The following DRD3 variants were observed in gnomAD, a reference collection of about 807,000 sequenced individuals.
DRD3 encodes the protein D(3) dopamine receptor.
DRD3 carries 19 observed loss-of-function variants against 36.3 expected under a neutral mutation model. The observed-to-expected ratio is 0.52, with a 90% CI of 0.36 to 0.77. The LOEUF (loss-of-function observed/expected upper bound fraction) is 0.77, where lower values mean the gene tolerates loss of function less well. Among genes scored for constraint, DRD3 ranks in the 30% least tolerant of loss-of-function variants. The pLI is 0.00. For missense variants in DRD3, 465 were observed against 505.3 expected (o/e 0.92, Z 0.77); for synonymous variants, 195 against 203.7 (o/e 0.96, Z 0.36).
rs186009651 is a variant in DRD3, at chr3:114,188,341, G to A, written c.-155-9565C>T. Among the ~76,000 whole-genome samples, 158 of 151,440 alleles carry A rather than the reference G, an allele frequency of 1.0e-3. 1 individual carries two copies. The highest frequency in any genetic ancestry group is 3.5e-3 in the Middle Eastern group (1 of 288). ...ATTCTTGTGCCTCAGCCCCTCAAGT[G>A]GCTGGGACTACGGGCGTGTGCCACA... On this transcript the variant is annotated intron_variant, in intron 1 of 7. Coordinates refer to the DRD3 transcript ENST00000460779.
chr3:114,185,717 C>A (rs2077971724), intron 1 of DRD3, among the ~76,000 whole-genome samples: 1 of 152,036 alleles, frequency 6.6e-6, no homozygotes, highest in South Asian at 2.1e-4. Flanking sequence ...GGTCTGTCAC[C>A]CAGGCTAGTG....
At chr3:114,164,615 G>C (rs528784484) in intron 2 of DRD3, among the ~76,000 whole-genome samples, 17 of 152,232 alleles carry the variant, frequency 1.1e-4, no homozygotes, top group African/African-American at 3.9e-4. Context: ...GGGAAACACT[G>C]GTCTGGGGTT....
chr3:114,197,277 ATTTTT>A (rs58452737), intron 1 of DRD3, among the ~76,000 whole-genome samples: 2 of 89,368 alleles, frequency 2.2e-5, no homozygotes, highest in South Asian at 3.5e-4. Flanking sequence ...AATTAAAAAA[ATTTTT>A]TTTTTTTTTT....
intron 4 of DRD3, among the ~76,000 whole-genome samples, chr3:114,145,770 A>G (rs1005277834): frequency 1.5e-4 from 23 of 152,218 alleles, no homozygotes; most frequent in Non-Finnish European, 2.9e-5. Context: ...CTGCAGAGTA[A>G]TAAGTTGTAT....
At chr3:114,155,931 C>T (rs2077662740) in intron 3 of DRD3, among the ~76,000 whole-genome samples, 1 of 152,162 alleles carries the variant, frequency 6.6e-6, no homozygotes, top group Non-Finnish European at 1.5e-5. Flanking sequence ...CTCCCACTTC[C>T]CCTTCCGCCT....
At chr3:114,142,212 G>T (rs2107841172) in intron 4 of DRD3, among the ~76,000 whole-genome samples, 1 of 152,236 alleles carries the variant, frequency 6.6e-6, no homozygotes. Context: ...CCACGTTGGT[G>T]GTGATCTGCT....
At chr3:114,156,779 CTTTCTTTCTTTCTTTCTTTCTCT>C (rs2077678928) in intron 3 of DRD3, among the ~76,000 whole-genome samples, 7 of 78,524 alleles carry the variant, frequency 8.9e-5, no homozygotes, top group Admixed American at 3.1e-4. Context: ...TTCTTTCTTT[CTTTCTTTCTTTCTTTCTTTCTCT>C]TTTCTTTTTC....
At chr3:114,160,850 A>G (rs2077725954) in intron 2 of DRD3, among the ~76,000 whole-genome samples, 1 of 140,600 alleles carries the variant, frequency 7.1e-6, no homozygotes, top group African/African-American at 2.5e-5. Flanking sequence ...TCTCTCCACT[A>G]CTCAGAATTC....
Position 114,191,676 on chromosome 3 carries a change from G to A in DRD3, c.-156+7597C>T, listed in dbSNP as rs76088203. 4.1e-3 allele frequency among the ~76,000 whole-genome samples: 630 copies of A among 152,302 alleles called. 5 individuals carry two copies. Among genetic ancestry groups the A allele is most frequent in the Non-Finnish European group, 7.2e-3 (492 of 68,016 alleles). ...GTTACGGTAACTCAGAAGCAAGTTG[G>A]CGGCTCCCTGGACTCCACTGGTAGT... On this transcript the variant is annotated intron_variant, in intron 1 of 7. Coordinates refer to the DRD3 transcript ENST00000460779.
intron 1 of DRD3, among the ~76,000 whole-genome samples, chr3:114,188,097 GA>G (rs1164536620): frequency 6.6e-6 from 1 of 151,508 alleles, no homozygotes; most frequent in Non-Finnish European, 1.5e-5. Context: ...GCAAATAACA[GA>G]AAACCCCTTC....
At chr3:114,129,548 C>T (rs946911481) in intron 6 of DRD3, among the ~76,000 whole-genome samples, 3 of 152,096 alleles carry the variant, frequency 2.0e-5, no homozygotes, top group Admixed American at 2.0e-4. Context: ...TTAATGCCTA[C>T]CTATGCAAAA....
chr3:114,195,533 T>C (rs2078032162), intron 1 of DRD3, among the ~76,000 whole-genome samples: 1 of 152,222 alleles, frequency 6.6e-6, no homozygotes, highest in Non-Finnish European at 1.5e-5. Flanking sequence ...CTAAGTTCCA[T>C]AGTACTCTTT....
rs201708355 is a variant in DRD3 at position 114,128,730 on chromosome 3, T to A, written c.1189A>T (p.Ile397Phe). Reference protein sequence around the residue: ...NIEFRKAFLKILSC With the variant: ...NIEFRKAFLKFLSC Reference sequence around the variant, plus strand: ...CTTCTGCTCCCTCAGCAAGACAGGATCTTGAGGAAGGCTTTCCGGAACTCG... The same window carrying A: ...CTTCTGCTCCCTCAGCAAGACAGGAACTTGAGGAAGGCTTTCCGGAACTCG... The change falls in exon 7 of 7, where the codon ATC (isoleucine) becomes TTC (phenylalanine). Residue 397 changes from isoleucine to phenylalanine, a missense_variant. Physicochemically the swap from Ile to Phe is conservative, Grantham distance 21. Coordinates refer to ENST00000383673, the MANE Select transcript of DRD3 (RefSeq NM_000796.6). 3 of 1,602,174 alleles carry A rather than the reference T, an allele frequency of 1.9e-6. No individual in the cohort carries two copies. The highest frequency in any genetic ancestry group is 1.7e-5 in the Admixed American group (1 of 58,626).
chr3:114,183,725 T>C (rs2077960064), upstream of DRD3, among the ~76,000 whole-genome samples: 1 of 152,130 alleles, frequency 6.6e-6, no homozygotes, highest in Non-Finnish European at 1.5e-5. Flanking sequence ...TTTTGTCTGA[T>C]ATTTGTCTAG....
chr3:114,177,600 T>A (rs1437424177), intron 1 of DRD3, among the ~76,000 whole-genome samples: 1 of 152,196 alleles, frequency 6.6e-6, no homozygotes, highest in Non-Finnish European at 1.5e-5. Context: ...GTAGAAACTG[T>A]TCGGTATTTG....
intron 3 of DRD3, among the ~76,000 whole-genome samples, chr3:114,155,235 G>A (rs984039113): frequency 5.3e-5 from 8 of 152,190 alleles, no homozygotes; most frequent in African/African-American, 1.9e-4. Context: ...TGAACAGAAT[G>A]TAATGCAAAC....
intron 6 of DRD3, among the ~76,000 whole-genome samples, chr3:114,129,917 G>T (rs1329165631): frequency 1.3e-5 from 2 of 152,070 alleles, no homozygotes; most frequent in Non-Finnish European, 2.9e-5. Flanking sequence ...AATTAGCCGG[G>T]TGTGGTAGCG....
chr3:114,129,713 C>T (rs2077409851), intron 6 of DRD3, among the ~76,000 whole-genome samples: 1 of 152,252 alleles, frequency 6.6e-6, no homozygotes, highest in South Asian at 2.1e-4. Flanking sequence ...GAACTGCCTT[C>T]ACTAACTCTA....
At chr3:114,160,741 G>A (rs558730820) in intron 2 of DRD3, among the ~76,000 whole-genome samples, 1 of 152,234 alleles carries the variant, frequency 6.6e-6, no homozygotes, top group African/African-American at 2.4e-5. Flanking sequence ...AACATTTATG[G>A]GAATCTATGT....
Sources: allele counts gnomAD v4.1 joint callset (sites outside exome capture counted in the v4.1 genomes callset), GRCh38; gene constraint gnomAD v4.1.1; transcripts MANE v1.5; gene names NCBI Gene and HGNC (gene_info 2026-07-23, HGNC 2026-07-21).